ROBO2: variants seen among roughly 807,000 people sequenced by gnomAD.
The protein encoded by ROBO2 is roundabout guidance receptor 2.
A neutral mutation model predicts 160.8 loss-of-function variants in ROBO2; 53 were observed. The observed-to-expected ratio is 0.33, with a 90% CI of 0.26 to 0.41. The LOEUF is 0.41. Ranked by LOEUF, ROBO2 falls within the 10% of genes least tolerant of loss-of-function variation. The probability of loss-of-function intolerance (pLI) is 1.00; values close to 1 mark genes in which losing one functional copy is unlikely to be tolerated. For missense variants in ROBO2, 1,577 were observed against 1,722.4 expected (o/e 0.92, Z 1.49); for synonymous variants, 664 against 611.7 (o/e 1.09, Z -1.26).
At chr3:75,920,015 T>C (rs918891472) in intron 1 of ROBO2, among the ~76,000 whole-genome samples, 8 of 152,072 alleles carry the variant, frequency 5.3e-5, no homozygotes, top group African/African-American at 1.9e-4. Context: ...TTTTTGAAGG[T>C]TTTTTCGTGT....
At chr3:76,428,000 G>A (rs768964261) in intron 2 of ROBO2, among the ~76,000 whole-genome samples, 14 of 152,106 alleles carry the variant, frequency 9.2e-5, no homozygotes, top group Non-Finnish European at 1.8e-4. Context: ...AGGGGAATGC[G>A]TGAGCAATAT....
chr3:76,331,566 C>T (rs1269291222), intron 2 of ROBO2, among the ~76,000 whole-genome samples: 1 of 152,078 alleles, frequency 6.6e-6, no homozygotes, highest in African/African-American at 2.4e-5. Context: ...TTGACATTCT[C>T]AACCCATGGC....
At chr3:76,637,196 G>A (rs2090390160) in intron 2 of ROBO2, among the ~76,000 whole-genome samples, 1 of 152,074 alleles carries the variant, frequency 6.6e-6, no homozygotes, top group Non-Finnish European at 1.5e-5. Flanking sequence ...ACAGGGAGAA[G>A]CCCTGTGTGT....
At chr3:75,954,034 C>T (rs1245107201) in intron 2 of ROBO2, among the ~76,000 whole-genome samples, 1 of 151,674 alleles carries the variant, frequency 6.6e-6, no homozygotes, top group Non-Finnish European at 1.5e-5. Context: ...TGTATTAATA[C>T]CAGGTACATA....
At chr3:76,411,854 T>C (rs752451044) in intron 2 of ROBO2, among the ~76,000 whole-genome samples, 52 of 152,370 alleles carry the variant, frequency 3.4e-4, no homozygotes, top group Middle Eastern at 3.4e-3. Flanking sequence ...TATAGGGTTA[T>C]CAAGGCCATG....
In ROBO2 at chr3:76,475,808, A is replaced by G. The variant is rs374572873; in HGVS notation, c.109+538206A>G. 1.3e-3 allele frequency among the ~76,000 whole-genome samples: 198 copies of G among 152,332 alleles called. 1 individual carries two copies. Among genetic ancestry groups the G allele is most frequent in the African/African-American group, 4.0e-3 (167 of 41,584 alleles). On this transcript the variant is annotated intron_variant, in intron 2 of 26. Coordinates refer to the ROBO2 transcript ENST00000487694. ...CCATTAAGTCGAGTGCTAGAATTCTATTAGTCCCCTCACGGGGTAAAGAAA... is the reference window on the plus strand; with the variant it reads ...CCATTAAGTCGAGTGCTAGAATTCTGTTAGTCCCCTCACGGGGTAAAGAAA...
At chr3:76,676,954 C>T (rs986023308) in intron 2 of ROBO2, among the ~76,000 whole-genome samples, 5 of 152,074 alleles carry the variant, frequency 3.3e-5, no homozygotes, top group African/African-American at 1.2e-4. Flanking sequence ...GGCTTCCACA[C>T]AATACAGATT....
At chr3:76,652,811 G>C (rs1291232371) in intron 2 of ROBO2, among the ~76,000 whole-genome samples, 1 of 151,780 alleles carries the variant, frequency 6.6e-6, no homozygotes, top group Non-Finnish European at 1.5e-5. Context: ...AATGATGCTT[G>C]AAAAATAAAG....
intron 6 of ROBO2, among the ~76,000 whole-genome samples, chr3:77,542,794 T>C (rs1284285212): frequency 6.6e-6 from 1 of 152,206 alleles, no homozygotes; most frequent in Admixed American, 6.5e-5. Context: ...ATTTGCCAGC[T>C]CTTTGTCTTT....
chr3:76,995,196 G>A (rs955290203), intron 2 of ROBO2, among the ~76,000 whole-genome samples: 74 of 148,948 alleles, frequency 5.0e-4, no homozygotes, highest in African/African-American at 1.5e-3. Context: ...GAGAATATGC[G>A]GTGTTTGGTT....
intron 2 of ROBO2, among the ~76,000 whole-genome samples, chr3:77,164,859 G>C (rs2078891303): frequency 1.8e-5 from 1 of 56,636 alleles, no homozygotes; most frequent in African/African-American, 4.3e-5. Context: ...CCCTCAGCCC[G>C]GCCAGCCACC....
At chr3:77,365,755 C>CA (rs34348995) in intron 2 of ROBO2, among the ~76,000 whole-genome samples, 1 of 151,830 alleles carries the variant, frequency 6.6e-6, no homozygotes, top group Non-Finnish European at 1.5e-5. Flanking sequence ...GATAAGAGGA[C>CA]CTCTCATGGT....
chr3:76,185,032 A>T (rs1405589521), intron 2 of ROBO2, among the ~76,000 whole-genome samples: 2 of 151,496 alleles, frequency 1.3e-5, no homozygotes, highest in African/African-American at 4.8e-5. Context: ...CCCCCAGATA[A>T]TGATTTATCA....
intron 2 of ROBO2, among the ~76,000 whole-genome samples, chr3:76,144,192 A>G (rs1443842730): frequency 6.6e-6 from 1 of 152,030 alleles, no homozygotes; most frequent in Non-Finnish European, 1.5e-5. Context: ...TATTAACACT[A>G]ATACACTCAT....
chr3:76,078,993 G>A (rs1390943099), intron 2 of ROBO2, among the ~76,000 whole-genome samples: 1 of 152,108 alleles, frequency 6.6e-6, no homozygotes, highest in Non-Finnish European at 1.5e-5. Flanking sequence ...GATGATTAGT[G>A]ATGTTGAGCA....
chr3:76,853,532 T>C (rs11709959), intron 2 of ROBO2, among the ~76,000 whole-genome samples: 18,862 of 152,078 alleles, frequency 0.12, 1,315 homozygotes, highest in East Asian at 0.24. Context: ...GTAAGTTTCC[T>C]AAATTTACTG....
intron 2 of ROBO2, among the ~76,000 whole-genome samples, chr3:76,841,829 T>G (rs938987271): frequency 6.6e-6 from 1 of 152,146 alleles, no homozygotes; most frequent in African/African-American, 2.4e-5. Flanking sequence ...CAGTGCAAAT[T>G]TGTGGCTGGC....
Position 76,185,215 on chromosome 3 carries a change from T to TATAGATATATATATATATATATAC in ROBO2, c.109+247614_109+247615insTAGATATATATATATATATATACA. On this transcript the variant is annotated intron_variant, in intron 2 of 26. Transcript: ENST00000487694. The stretch of plus-strand genomic sequence containing the variant: ...ACACAGATATATATATATATATATA[T>TATAGATATATATATATATATATAC]ACACACACAAAGATGTTATATATAC... 1.1e-3 allele frequency among the ~76,000 whole-genome samples: 96 copies of TATAGATATATATATATATATATAC among 90,290 alleles called. 4 individuals carry two copies. Among genetic ancestry groups the TATAGATATATATATATATATATAC allele is most frequent in the South Asian group, 2.0e-3 (5 of 2,474 alleles). 59.2% of individuals were successfully genotyped at this position (90,290 alleles called of 152,430 possible). A position where few individuals can be genotyped will look rare whatever the true frequency, so the allele number is the denominator to read the frequency against.
At chr3:76,643,187 A>C (rs1223035371) in intron 2 of ROBO2, among the ~76,000 whole-genome samples, 1 of 152,180 alleles carries the variant, frequency 6.6e-6, no homozygotes, top group Non-Finnish European at 1.5e-5. Flanking sequence ...AATCAGAAAT[A>C]ACTTAGTAAA....
Sources: allele counts gnomAD v4.1 joint callset (sites outside exome capture counted in the v4.1 genomes callset), GRCh38; gene constraint gnomAD v4.1.1; transcripts MANE v1.5; gene names NCBI Gene and HGNC (gene_info 2026-07-23, HGNC 2026-07-21).